OPCML: variants seen among roughly 807,000 people sequenced by gnomAD.
The protein encoded by OPCML is opioid binding protein/cell adhesion molecule like, also known as opioid-binding protein/cell adhesion molecule.
In OPCML, 13 loss-of-function variants were observed where a neutral mutation model predicts 37.8. That is an observed-to-expected ratio of 0.34 (90% CI 0.22 to 0.55). The LOEUF (loss-of-function observed/expected upper bound fraction) is 0.55. Among genes scored for constraint, OPCML ranks in the 20% least tolerant of loss-of-function variants. OPCML has a pLI of 0.91. For missense variants in OPCML, 341 were observed against 435.6 expected, an observed-to-expected ratio of 0.78 and a Z score of 1.93; for synonymous variants, 176 against 168.8, an observed-to-expected ratio of 1.04 and a Z score of -0.33.
rs11820202 is a variant in OPCML, at chr11:133,003,572, G to A, written c.62-60562C>T. 6.5e-4 allele frequency: 554 copies of A among 855,532 alleles called. 4 individuals carry two copies. In the East Asian group the frequency reaches 6.8e-3, roughly 11 times the overall value. 53.0% of individuals were successfully genotyped at this position (855,532 alleles called of 1,614,324 possible). A position where few individuals can be genotyped will look rare whatever the true frequency, so the allele number is the denominator to read the frequency against. Reference sequence around the variant, plus strand: ...GAAGAACTTTTTGTTATAAACATTCGCAAGTTCCAGGAATTAGAAGTTGGA... The same window carrying A: ...GAAGAACTTTTTGTTATAAACATTCACAAGTTCCAGGAATTAGAAGTTGGA... On this transcript the variant is annotated intron_variant, in intron 1 of 7. Coordinates refer to ENST00000524381, the MANE Select transcript of OPCML (RefSeq NM_001012393.5).
rs550901941 is a variant in OPCML, at chr11:132,529,979, C to T, written c.380-793G>A. Among the ~76,000 whole-genome samples, 34 of 152,278 alleles carry T rather than the reference C, an allele frequency of 2.2e-4. No homozygotes were observed. In the East Asian group the frequency reaches 4.8e-3, roughly 22 times the overall value. ...GTTTAATTCCTCACCTGCTACATGA[C>T]CGTTAGCAAGGTGACCTGCCTTTGT... is the stretch of plus-strand genomic sequence containing the variant. On this transcript the variant is annotated intron_variant, in intron 3 of 7. Coordinates refer to ENST00000524381, the MANE Select transcript of OPCML (RefSeq NM_001012393.5).
chr11:133,126,748 G>T (rs1949523016), intron 1 of OPCML, among the ~76,000 whole-genome samples: 1 of 152,078 alleles, frequency 6.6e-6, no homozygotes, highest in Admixed American at 6.6e-5. Flanking sequence ...TGAGTAACTT[G>T]CCCAAGGCTA....
intron 1 of OPCML, among the ~76,000 whole-genome samples, chr11:133,096,475 C>T (rs1949005585): frequency 1.3e-5 from 2 of 151,752 alleles, no homozygotes; most frequent in African/African-American, 4.8e-5. Context: ...AAAATAGGAA[C>T]AAAGAATAAG....
chr11:133,454,487 T>C (rs7112494), intron 1 of OPCML, among the ~76,000 whole-genome samples: 20,170 of 152,160 alleles, frequency 0.13, 3,182 homozygotes, highest in African/African-American at 0.38. Flanking sequence ...CAATATTTAT[T>C]GAGCATTGAT....
intron 2 of OPCML, among the ~76,000 whole-genome samples, chr11:132,862,723 T>C (rs1942359485): frequency 6.6e-6 from 1 of 152,136 alleles, no homozygotes; most frequent in Non-Finnish European, 1.5e-5. Context: ...ATGGGGCCTG[T>C]CTCCTGGTCT....
chr11:132,579,109 G>T (rs1226881330), intron 3 of OPCML, among the ~76,000 whole-genome samples: 1 of 152,130 alleles, frequency 6.6e-6, no homozygotes, highest in Non-Finnish European at 1.5e-5. Flanking sequence ...TCAACTGGGG[G>T]GAGGCCTATA....
At chr11:133,108,258 A>G (rs1949191761) in intron 1 of OPCML, among the ~76,000 whole-genome samples, 1 of 152,182 alleles carries the variant, frequency 6.6e-6, no homozygotes, top group Non-Finnish European at 1.5e-5. Flanking sequence ...ATTAATATGC[A>G]ACTCAGTTTT....
intron 2 of OPCML, among the ~76,000 whole-genome samples, chr11:132,890,155 C>T (rs1025370657): frequency 2.0e-5 from 3 of 152,070 alleles, no homozygotes; most frequent in African/African-American, 7.2e-5. Flanking sequence ...CCTGAGATGC[C>T]TATTTTCAGG....
chr11:132,781,073 ATT>A (rs1946993005), intron 2 of OPCML, among the ~76,000 whole-genome samples: 1 of 152,190 alleles, frequency 6.6e-6, no homozygotes. Flanking sequence ...TACTTTAGAA[ATT>A]AACATCAAAA....
At chr11:132,460,085 A>G (rs982802865) in intron 4 of OPCML, among the ~76,000 whole-genome samples, 1 of 152,198 alleles carries the variant, frequency 6.6e-6, no homozygotes, top group African/African-American at 2.4e-5. Flanking sequence ...CCTTGGGAAA[A>G]CATTGTACTT....
At chr11:133,095,277 GTTTTTTT>G (rs60154725) in intron 1 of OPCML, among the ~76,000 whole-genome samples, 5 of 44,202 alleles carry the variant, frequency 1.1e-4, no homozygotes, top group East Asian at 1.6e-3. Flanking sequence ...TAATGTAAAT[GTTTTTTT>G]TTTTTTTTTT....
At chr11:133,091,110 C>T (rs1280549182) in intron 1 of OPCML, among the ~76,000 whole-genome samples, 4 of 152,166 alleles carry the variant, frequency 2.6e-5, no homozygotes, top group African/African-American at 2.4e-5. Context: ...TCCTTGGCTT[C>T]CCCAGCTGTG....
chr11:132,884,776 A>G (rs1943347312), intron 2 of OPCML, among the ~76,000 whole-genome samples: 1 of 152,246 alleles, frequency 6.6e-6, no homozygotes, highest in Non-Finnish European at 1.5e-5. Flanking sequence ...GAACATTACC[A>G]AATTGGTTTT....
intron 1 of OPCML, among the ~76,000 whole-genome samples, chr11:133,115,497 A>G (rs1949318531): frequency 6.6e-6 from 1 of 152,238 alleles, no homozygotes; most frequent in Admixed American, 6.5e-5. Flanking sequence ...GTGATTAACA[A>G]AACAAACAAA....
chr11:132,901,046 G>T (rs1202290389), intron 2 of OPCML, among the ~76,000 whole-genome samples: 1 of 152,098 alleles, frequency 6.6e-6, no homozygotes, highest in Non-Finnish European at 1.5e-5. Flanking sequence ...TGGGCAAGGT[G>T]GTGCACACCT....
chr11:133,063,918 C>G (rs1948394457), intron 1 of OPCML, among the ~76,000 whole-genome samples: 1 of 152,164 alleles, frequency 6.6e-6, no homozygotes, highest in Admixed American at 6.5e-5. Context: ...GAATTGAGAA[C>G]GATTTCATGG....
At chr11:133,047,643 T>C (rs1328491689) in intron 1 of OPCML, among the ~76,000 whole-genome samples, 1 of 152,056 alleles carries the variant, frequency 6.6e-6, no homozygotes, top group Non-Finnish European at 1.5e-5. Context: ...TGTCCATCCA[T>C]CACTCCGGCT....
intron 3 of OPCML, among the ~76,000 whole-genome samples, chr11:132,621,531 G>A (rs1256520607): frequency 1.3e-5 from 2 of 152,166 alleles, no homozygotes; most frequent in East Asian, 1.9e-4. Context: ...GTTGAGTGAA[G>A]GAAGCTGCAC....
intron 1 of OPCML, among the ~76,000 whole-genome samples, chr11:133,467,816 T>C (rs1048829281): frequency 6.6e-6 from 1 of 152,074 alleles, no homozygotes; most frequent in Non-Finnish European, 1.5e-5. Flanking sequence ...TCCCTCACAC[T>C]CCAAATTGAA....
Sources: allele counts gnomAD v4.1 joint callset (sites outside exome capture counted in the v4.1 genomes callset), GRCh38; gene constraint gnomAD v4.1.1; transcripts MANE v1.5; gene names NCBI Gene and HGNC (gene_info 2026-07-23, HGNC 2026-07-21).